Variants in ECT2 observed in about 807,000 individuals in gnomAD.
The protein encoded by ECT2 is epithelial cell transforming 2, also known as protein ECT2.
Under a neutral mutation model 116.9 loss-of-function variants are expected in ECT2, and 61 were observed. That is an observed-to-expected ratio of 0.52 (90% confidence interval 0.42 to 0.65). ECT2 has a LOEUF of 0.65. Ranked by LOEUF, ECT2 falls within the 30% of genes least tolerant of loss-of-function variation. The pLI is 0.00. For synonymous variants in ECT2, 358 were observed against 346.4 expected, an observed-to-expected ratio of 1.03 and a Z score of -0.37; for missense variants, 937 against 1,078.7, an observed-to-expected ratio of 0.87 and a Z score of 1.84.
the ECT2 span, chr3:172,829,211 CCAGCCA>C: frequency 2.8e-6 from 1 of 355,896 alleles, no homozygotes; most frequent in African/African-American, 2.2e-5. Context: ...GTCTCGGCGC[CCAGCCA>C]AAAATTGGTA....
rs772649541 is a variant in ECT2 at position 172,769,160 on chromosome 3, T to C, written c.1428+17T>C. ...ATTATTCAGGTAAGTATGAGTTTGA[T>C]TGAAAAATGATTTCTGTTCCAGTGT... is the stretch of plus-strand genomic sequence containing the variant. On this transcript the variant is annotated intron_variant, in intron 13 of 24. Transcript: ENST00000392692. The C allele has an allele frequency of 1.1e-5, 18 of 1,590,310 alleles. No homozygotes were observed. The East Asian group carries it at 1.6e-4, about 14-fold the overall frequency.
intron 1 of ECT2, among the ~76,000 whole-genome samples, chr3:172,752,980 A>T (rs1175142185): frequency 6.6e-6 from 1 of 152,186 alleles, no homozygotes; most frequent in African/African-American, 2.4e-5. Flanking sequence ...AGAAGTAGGA[A>T]AGGGGAAAGT....
intron 12 of ECT2, among the ~76,000 whole-genome samples, chr3:172,767,074 C>G (rs1237377534): frequency 6.6e-6 from 1 of 152,184 alleles, no homozygotes; most frequent in African/African-American, 2.4e-5. Context: ...ATGGCAGAGG[C>G]TTCTGGGTCT....
chr3:172,802,805 C>T (rs1726962519), intron 19 of ECT2, 56 bp from the exon 20 acceptor site: 1 of 1,561,652 alleles, frequency 6.4e-7, no homozygotes, highest in African/African-American at 1.4e-5. Flanking sequence ...ATTACAACTT[C>T]TTAAAAATTA....
chr3:172,755,318 A>C lies in ECT2; in HGVS notation c.154A>C (p.Arg52=). 1 of 1,606,346 alleles carries C rather than the reference A, an allele frequency of 6.2e-7. No homozygotes were observed. Among genetic ancestry groups the C allele is most frequent in the South Asian group, 1.1e-5 (1 of 88,956 alleles). Reference sequence around the variant, plus strand: ...AGAAGAGATGCCTCAGATTGAAACAAGAGTGATATTGGTTCAAGAAGCTGG... The same window carrying C: ...AGAAGAGATGCCTCAGATTGAAACACGAGTGATATTGGTTCAAGAAGCTGG... ...VEEEMPQIET[R]VILVQEAGKQ... is the part of the protein sequence containing the mutation. Residue 52 remains arginine (R), a synonymous_variant, in exon 3 of 25, where the codon AGA becomes CGA. Coordinates refer to ENST00000392692, the MANE Select transcript of ECT2 (RefSeq NM_001258315.2).
intron 18 of ECT2, among the ~76,000 whole-genome samples, chr3:172,788,935 G>A (rs1414859049): frequency 1.3e-5 from 2 of 151,654 alleles, no homozygotes; most frequent in Admixed American, 6.6e-5. Context: ...GTGGGTGCCT[G>A]TAATCCCAGC....
At chr3:172,794,784 G>A (rs112835531) in intron 18 of ECT2, among the ~76,000 whole-genome samples, 9,342 of 152,080 alleles carry the variant, frequency 0.061, 968 homozygotes, top group African/African-American at 0.21. Flanking sequence ...GCACGGTCTC[G>A]GCTCACTGCA....
chr3:172,819,306 A>G (rs1283449748), intron 24 of ECT2, among the ~76,000 whole-genome samples: 2 of 152,078 alleles, frequency 1.3e-5, no homozygotes, highest in African/African-American at 2.4e-5. Flanking sequence ...ACAGTTAGCC[A>G]TTTATATATG....
Position 172,764,288 on chromosome 3 carries a change from C to A in ECT2, c.1079C>A (p.Pro360His). The change falls in exon 12 of 25, where the codon CCT (proline) becomes CAT (histidine). Residue 360 changes from proline to histidine, a missense_variant. By Grantham distance (77) the Pro-to-His change is moderately conservative. Coordinates refer to ENST00000392692, the MANE Select transcript of ECT2 (RefSeq NM_001258315.2). Reference sequence around the variant, plus strand: ...TGCTTTTGATTACAGGCAAATACTCCTGAGCTCAAGAAATCAGTGTCAATG... The same window carrying A: ...TGCTTTTGATTACAGGCAAATACTCATGAGCTCAAGAAATCAGTGTCAATG... ...TMYLYEKANT[P>H]ELKKSVSMLS... 1 of 1,614,010 alleles carries A rather than the reference C, an allele frequency of 6.2e-7. No homozygotes were observed. The highest frequency in any genetic ancestry group is 1.7e-5 in the Admixed American group (1 of 60,020).
chr3:172,776,515 G>T (rs558904190), intron 14 of ECT2, among the ~76,000 whole-genome samples: 3 of 152,032 alleles, frequency 2.0e-5, no homozygotes, highest in South Asian at 4.2e-4. Context: ...CATCTATTGA[G>T]CATTACCACA....
intron 20 of ECT2, among the ~76,000 whole-genome samples, chr3:172,805,299 G>A (rs967130066): frequency 7.2e-5 from 11 of 152,012 alleles, no homozygotes; most frequent in African/African-American, 2.7e-4. Context: ...ACTAGCATTT[G>A]TCATCAAATT....
Position 172,806,313 on chromosome 3 carries a change from CAATA to C in ECT2, c.2245+451_2245+454del, listed in dbSNP as rs545887120. On this transcript the variant is annotated intron_variant, in intron 21 of 24. Coordinates refer to ENST00000392692, the MANE Select transcript of ECT2 (RefSeq NM_001258315.2). ...TACGGGTCAGGAATAGATGTGGGTG[CAATA>C]AATAAACTCAGAGTAACTGGTAGAC... 1.3e-3 allele frequency among the ~76,000 whole-genome samples: 193 copies of C among 152,170 alleles called. 2 individuals carry two copies. The highest frequency in any genetic ancestry group is 4.6e-3 in the African/African-American group (190 of 41,504).
intron 12 of ECT2, among the ~76,000 whole-genome samples, chr3:172,765,440 T>TC (rs1250955364): frequency 1.2e-4 from 18 of 152,176 alleles, no homozygotes; most frequent in Admixed American, 1.2e-3. Context: ...TTTGTCCTCT[T>TC]CCCTGTCAAG....
intron 18 of ECT2, among the ~76,000 whole-genome samples, chr3:172,793,149 CA>C (rs1322792622): frequency 1.4e-4 from 22 of 152,060 alleles, no homozygotes; most frequent in Non-Finnish European, 2.6e-4. Flanking sequence ...TCAGTGATTT[CA>C]TTTTTTATTT....
intron 18 of ECT2, among the ~76,000 whole-genome samples, chr3:172,786,901 A>G (rs1378533609): frequency 3.3e-5 from 5 of 152,204 alleles, no homozygotes; most frequent in Admixed American, 3.3e-4. Flanking sequence ...GTATTGCCCA[A>G]ATGTAACTTG....
chr3:172,782,698 C>T (rs1244724160), intron 15 of ECT2, among the ~76,000 whole-genome samples: 1 of 152,166 alleles, frequency 6.6e-6, no homozygotes, highest in Admixed American at 6.5e-5. Flanking sequence ...CTACCCTCCA[C>T]CTTCCAGTAG....
chr3:172,770,084 T>C (rs1720320922), intron 13 of ECT2, among the ~76,000 whole-genome samples: 1 of 152,300 alleles, frequency 6.6e-6, no homozygotes, highest in South Asian at 2.1e-4. Context: ...TTTTTCATGG[T>C]TAATTATTTG....
chr3:172,774,491 G>A (rs1322892582), intron 14 of ECT2, among the ~76,000 whole-genome samples: 1 of 149,402 alleles, frequency 6.7e-6, no homozygotes, highest in Admixed American at 6.6e-5. Flanking sequence ...GAGACACCAT[G>A]CCCTGCCTTT....
At chr3:172,762,597 G>A (rs772259525) in intron 9 of ECT2, 51 bp downstream of exon 9, 6 of 1,574,568 alleles carry the variant, frequency 3.8e-6, no homozygotes, top group Admixed American at 4.1e-5. Context: ...CCCTAGGCCT[G>A]CTTAATCACT....
Sources: allele counts gnomAD v4.1 joint callset (sites outside exome capture counted in the v4.1 genomes callset), GRCh38; gene constraint gnomAD v4.1.1; transcripts MANE v1.5; gene names NCBI Gene and HGNC (gene_info 2026-07-23, HGNC 2026-07-21).